The following GABRR3 variants were observed in gnomAD, a reference collection of about 807,000 sequenced individuals.
GABRR3 encodes the protein gamma-aminobutyric acid type A receptor subunit rho3.
In GABRR3, 29 loss-of-function variants were observed where a neutral mutation model predicts 43.2. That is an observed-to-expected ratio of 0.67 (90% CI 0.50 to 0.92). GABRR3 has a LOEUF of 0.92. Among genes scored for constraint, GABRR3 ranks in the 40% least tolerant of loss-of-function variants. GABRR3 has a pLI of 0.00. For missense variants in GABRR3, 576 were observed against 572.3 expected, an observed-to-expected ratio of 1.01 and a Z score of -0.07; for synonymous variants, 206 against 195.9, an observed-to-expected ratio of 1.05 and a Z score of -0.43.
At chr3:97,992,899 A>G (rs1706488898) in exon 9 of GABRR3, 1 of 1,613,316 alleles carries the variant, frequency 6.2e-7, no homozygotes, top group Non-Finnish European at 8.5e-7. Context: ...GTGGTGAGGT[A>G]GTTCACAGCT....
At chr3:98,016,063 A>G (rs1376781411) in intron 4 of GABRR3, among the ~76,000 whole-genome samples, 1 of 152,112 alleles carries the variant, frequency 6.6e-6, no homozygotes, top group Non-Finnish European at 1.5e-5. Flanking sequence ...GGAAACTGCC[A>G]CTTTCAAATA....
intron 3 of GABRR3, among the ~76,000 whole-genome samples, chr3:98,024,794 A>G (rs1382209993): frequency 1.3e-5 from 2 of 152,250 alleles, no homozygotes; most frequent in African/African-American, 4.8e-5. Flanking sequence ...GTTTAACCTG[A>G]TGATTTCACC....
chr3:98,025,870 G>T (rs1261323546), intron 2 of GABRR3, among the ~76,000 whole-genome samples, 191 bp from the exon 3 acceptor site: 1 of 152,194 alleles, frequency 6.6e-6, no homozygotes, highest in Non-Finnish European at 1.5e-5. Flanking sequence ...AGCAAATAAG[G>T]TAAACCAAAT....
At chr3:98,019,318 G>A (rs935574808) in intron 3 of GABRR3, among the ~76,000 whole-genome samples, 1 of 152,036 alleles carries the variant, frequency 6.6e-6, no homozygotes, top group Non-Finnish European at 1.5e-5. Flanking sequence ...GAAACCCAAG[G>A]TATGTCTTGC....
intron 4 of GABRR3, among the ~76,000 whole-genome samples, chr3:98,012,976 A>G (rs1330034559): frequency 2.6e-5 from 4 of 152,146 alleles, no homozygotes; most frequent in East Asian, 1.9e-4. Context: ...CTGATTTTGT[A>G]TTGATACTCA....
chr3:97,988,353 C>T (rs1480982269), intron 9 of GABRR3, among the ~76,000 whole-genome samples: 1 of 152,162 alleles, frequency 6.6e-6, no homozygotes, highest in African/African-American at 2.4e-5. Flanking sequence ...GCTGGGATTA[C>T]AGGCATGAGC....
Position 98,022,689 on chromosome 3 carries a change from T to G in GABRR3, c.238+2878A>C, listed in dbSNP as rs1457471587. Among the ~76,000 whole-genome samples, 3 of 152,080 alleles carry G rather than the reference T, an allele frequency of 2.0e-5. No individual in the cohort carries two copies. The East Asian group carries it at 5.8e-4, about 29-fold the overall frequency. On this transcript the variant is annotated intron_variant, in intron 3 of 9. Transcript: ENST00000621172. The stretch of plus-strand genomic sequence containing the variant: ...ACTGAATTTATGAAGATTTTTCGGC[T>G]CAAACTGACTAATCACACAAGCCAT...
intron 7 of GABRR3, among the ~76,000 whole-genome samples, chr3:98,007,125 A>G (rs1269144184): frequency 1.3e-5 from 2 of 152,138 alleles, no homozygotes; most frequent in East Asian, 1.9e-4. Flanking sequence ...AGGTGATGGT[A>G]AGTGCTGTGA....
At chr3:98,020,230 C>G (rs960442177) in intron 3 of GABRR3, among the ~76,000 whole-genome samples, 1 of 152,090 alleles carries the variant, frequency 6.6e-6, no homozygotes, top group Non-Finnish European at 1.5e-5. Context: ...TAAGTAATGT[C>G]TCTAAGCTCA....
intron 8 of GABRR3, among the ~76,000 whole-genome samples, chr3:97,995,064 C>T (rs868729666): frequency 1.5e-4 from 23 of 152,156 alleles, no homozygotes; most frequent in Middle Eastern, 3.4e-3. Flanking sequence ...CTGCAACCTC[C>T]GCCTCCTGGG....
At position 97,992,842 on chromosome 3, in the gene GABRR3, A is replaced by C; in HGVS notation, c.1104+10T>G. Reference sequence around the variant, plus strand: ...CCCCAAGGGATCTGATAGTCAGAGCAAGGCTGTACCTTTCCTGTCTTCTTG... The same window carrying C: ...CCCCAAGGGATCTGATAGTCAGAGCCAGGCTGTACCTTTCCTGTCTTCTTG... On this transcript the variant is annotated intron_variant, in intron 9 of 9. Coordinates refer to ENST00000621172, the Ensembl canonical transcript of GABRR3. 6.3e-7 allele frequency: 1 copy of C among 1,594,566 alleles called. No homozygotes were observed. The highest frequency in any genetic ancestry group is 1.3e-5 in the African/African-American group (1 of 74,708).
downstream of GABRR3, chr3:97,986,632 T>C: frequency 2.4e-6 from 3 of 1,259,158 alleles, no homozygotes; most frequent in African/African-American, 1.5e-5. Flanking sequence ...TCAAGAGTTT[T>C]GTTTTTAAAC....
At chr3:97,989,457 T>TGGTGGTGGTG (rs1473609449) in intron 9 of GABRR3, among the ~76,000 whole-genome samples, 2 of 142,576 alleles carry the variant, frequency 1.4e-5, no homozygotes, top group East Asian at 4.4e-4. Context: ...TGGTGGGTGG[T>TGGTGGTGGTG]GGTGGTGGTG....
intron 9 of GABRR3, among the ~76,000 whole-genome samples, chr3:97,990,029 C>A (rs1368488358): frequency 6.6e-6 from 1 of 152,158 alleles, no homozygotes; most frequent in African/African-American, 2.4e-5. Flanking sequence ...TTTCTTCTAT[C>A]CGGCCTCTCC....
intron 3 of GABRR3, among the ~76,000 whole-genome samples, chr3:98,021,694 A>C (rs186281421): frequency 6.6e-6 from 1 of 152,338 alleles, no homozygotes; most frequent in East Asian, 1.9e-4. Context: ...AAATTAAATA[A>C]ATATTAACCA....
chr3:98,019,458 G>A (rs1706911385), intron 3 of GABRR3, among the ~76,000 whole-genome samples: 1 of 152,114 alleles, frequency 6.6e-6, no homozygotes, highest in Admixed American at 6.5e-5. Flanking sequence ...AAGGGTTTCA[G>A]GTGGCCAGGC....
intron 9 of GABRR3, among the ~76,000 whole-genome samples, chr3:97,989,011 A>G (rs1009720451): frequency 3.0e-5 from 4 of 135,392 alleles, no homozygotes; most frequent in African/African-American, 1.1e-4. Flanking sequence ...TAGATGGTGC[A>G]TGGTGGTGCG....
intron 6 of GABRR3, 56 bp from the exon 7 acceptor site, chr3:98,007,960 A>T: frequency 7.0e-7 from 1 of 1,422,848 alleles, no homozygotes; most frequent in Non-Finnish European, 9.5e-7. Context: ...AAGCTCAATG[A>T]GTTCTATAAC....
chr3:98,004,717 G>A (rs557721829), intron 7 of GABRR3, among the ~76,000 whole-genome samples: 3 of 151,640 alleles, frequency 2.0e-5, no homozygotes, highest in Middle Eastern at 3.4e-3. Flanking sequence ...CTGTAAAATG[G>A]AAACTAAGGT....
Sources: allele counts gnomAD v4.1 joint callset (sites outside exome capture counted in the v4.1 genomes callset), GRCh38; gene constraint gnomAD v4.1.1; transcripts MANE v1.5; gene names NCBI Gene and HGNC (gene_info 2026-07-23, HGNC 2026-07-21).